POU2F1: variants seen among roughly 807,000 people sequenced by gnomAD.
POU2F1 encodes POU domain, class 2, transcription factor 1.
Under a neutral mutation model 84.9 loss-of-function variants are expected in POU2F1, and 16 were observed. The ratio of observed to expected loss-of-function variants is 0.19; its 90% CI spans 0.13 to 0.29. The LOEUF is 0.29. Ranked by LOEUF, POU2F1 falls within the 10% of genes least tolerant of loss-of-function variation. The probability of loss-of-function intolerance (pLI) is 1.00; values close to 1 mark genes in which losing one functional copy is unlikely to be tolerated. For synonymous variants in POU2F1, 368 were observed against 368.3 expected (o/e 1.00, Z 0.01); for missense variants, 738 against 942.6 (o/e 0.78, Z 2.84).
intron 9 of POU2F1, among the ~76,000 whole-genome samples, chr1:167,392,050 GT>G (rs1258955040): frequency 6.6e-6 from 1 of 151,938 alleles, no homozygotes; most frequent in Non-Finnish European, 1.5e-5. Flanking sequence ...GATCTGACCT[GT>G]TTTAAAAAGA....
At chr1:167,257,137 T>C (rs1651197691) in intron 1 of POU2F1, among the ~76,000 whole-genome samples, 1 of 152,168 alleles carries the variant, frequency 6.6e-6, no homozygotes, top group Admixed American at 6.5e-5. Flanking sequence ...ATTTATTGTT[T>C]TGTACAAGAA....
intron 1 of POU2F1, among the ~76,000 whole-genome samples, chr1:167,296,382 T>G (rs1654292151): frequency 6.6e-6 from 1 of 152,188 alleles, no homozygotes; most frequent in South Asian, 2.1e-4. Context: ...TTACTTGTTT[T>G]TAATCTTTAT....
chr1:167,301,258 T>G (rs1452106970), intron 1 of POU2F1, among the ~76,000 whole-genome samples: 1 of 152,218 alleles, frequency 6.6e-6, no homozygotes, highest in Non-Finnish European at 1.5e-5. Flanking sequence ...TTATGTTTCT[T>G]TAGTCAAAGA....
chr1:167,324,765 G>A (rs1251163242), intron 1 of POU2F1, among the ~76,000 whole-genome samples: 1 of 152,150 alleles, frequency 6.6e-6, no homozygotes, highest in East Asian at 1.9e-4. Flanking sequence ...CAGATTGCTT[G>A]TTATTTGGCA....
chr1:167,420,998 TGGA>T lies in POU2F1; in HGVS notation c.*5189_*5191del. ...ACCCAAAATTTAAAATTTTCCAAAA[TGGA>T]CAAGAATTGATGGGTTAATTTGCTC... On this transcript the variant is annotated 3_prime_UTR_variant, in exon 16 of 16. Coordinates refer to ENST00000367866, the MANE Select transcript of POU2F1 (RefSeq NM_002697.4). 1 of 152,224 alleles carries T rather than the reference TGGA, an allele frequency of 6.6e-6. No homozygotes were observed. Among genetic ancestry groups the T allele is most frequent in the Non-Finnish European group, 1.5e-5 (1 of 68,034 alleles). The allele number at this position is 152,224 out of a possible 1,614,324, so 9.4% of individuals were successfully genotyped here.
chr1:167,314,139 A>G (rs537051372), intron 1 of POU2F1, among the ~76,000 whole-genome samples: 1 of 149,846 alleles, frequency 6.7e-6, no homozygotes, highest in East Asian at 2.0e-4. Context: ...CAGAGGTTGC[A>G]GTGAGCTGAG....
At chr1:167,314,977 G>A (rs1239633717) in intron 1 of POU2F1, among the ~76,000 whole-genome samples, 1 of 152,066 alleles carries the variant, frequency 6.6e-6, no homozygotes, top group Non-Finnish European at 1.5e-5. Context: ...ATTTTAAAGT[G>A]TATGGCAACC....
At chr1:167,371,263 G>A (rs1358148324) in intron 4 of POU2F1, among the ~76,000 whole-genome samples, 1 of 152,154 alleles carries the variant, frequency 6.6e-6, no homozygotes, top group Non-Finnish European at 1.5e-5. Flanking sequence ...TCAATGACTG[G>A]CAGAATTAAT....
intron 1 of POU2F1, among the ~76,000 whole-genome samples, chr1:167,292,369 A>G (rs1381924878): frequency 6.6e-6 from 1 of 151,920 alleles, no homozygotes. Context: ...TTTGAATATT[A>G]TTGTTAGTTG....
At chr1:167,400,034 A>G (rs1649096005) in intron 12 of POU2F1, among the ~76,000 whole-genome samples, 1 of 116,798 alleles carries the variant, frequency 8.6e-6, no homozygotes. Context: ...CCCAGGCTGG[A>G]GTGCAATGGT....
At chr1:167,317,470 C>T (rs1655987135) in intron 1 of POU2F1, among the ~76,000 whole-genome samples, 1 of 152,190 alleles carries the variant, frequency 6.6e-6, no homozygotes, top group Non-Finnish European at 1.5e-5. Flanking sequence ...AGGGGGCTGA[C>T]AGCCTTCAGA....
chr1:167,387,848 A>G (rs1648103129), intron 8 of POU2F1, among the ~76,000 whole-genome samples: 1 of 152,250 alleles, frequency 6.6e-6, no homozygotes, highest in South Asian at 2.1e-4. Flanking sequence ...AAAAGAGACT[A>G]TACCCTCATG....
rs1429339158 is a variant in POU2F1 at position 167,342,581 on chromosome 1, A to G, written c.127+10046A>G. ...TGCTATTCTTCATAGTAATTTAACAACTTGATGCCTTGAACCAGCACTAGT... is the reference window on the plus strand; with the variant it reads ...TGCTATTCTTCATAGTAATTTAACAGCTTGATGCCTTGAACCAGCACTAGT... On this transcript the variant is annotated intron_variant, in intron 2 of 15. Coordinates refer to ENST00000367866, the MANE Select transcript of POU2F1 (RefSeq NM_002697.4). 2.6e-5 allele frequency among the ~76,000 whole-genome samples: 4 copies of G among 152,308 alleles called. No homozygotes were observed. In the South Asian group the frequency reaches 6.2e-4, roughly 24 times the overall value.
intron 1 of POU2F1, among the ~76,000 whole-genome samples, chr1:167,310,113 G>A (rs1005449782): frequency 6.6e-6 from 1 of 152,056 alleles, no homozygotes; most frequent in African/African-American, 2.4e-5. Context: ...TAGGGATATT[G>A]ATTAACTTTG....
intron 2 of POU2F1, among the ~76,000 whole-genome samples, chr1:167,356,255 G>A (rs1371419888): frequency 6.8e-6 from 1 of 147,868 alleles, no homozygotes; most frequent in Admixed American, 6.8e-5. Context: ...TGCCCGCCCT[G>A]GCTCACGCCT....
intron 2 of POU2F1, among the ~76,000 whole-genome samples, chr1:167,347,169 T>C (rs1027518875): frequency 8.5e-5 from 13 of 152,238 alleles, no homozygotes; most frequent in African/African-American, 2.9e-4. Context: ...TTGACTGCCT[T>C]AAATTTACTT....
intron 1 of POU2F1, among the ~76,000 whole-genome samples, chr1:167,271,038 A>G (rs965581745): frequency 6.6e-6 from 1 of 152,224 alleles, no homozygotes; most frequent in Non-Finnish European, 1.5e-5. Flanking sequence ...GTGTTAACAC[A>G]TTTCAAATAT....
intron 2 of POU2F1, among the ~76,000 whole-genome samples, chr1:167,339,535 A>G (rs2101750092): frequency 6.6e-6 from 1 of 152,372 alleles, no homozygotes; most frequent in East Asian, 1.9e-4. Context: ...AATATTGGAC[A>G]AACATTAAAG....
intron 1 of POU2F1, among the ~76,000 whole-genome samples, chr1:167,270,791 G>A (rs1214880485): frequency 6.6e-6 from 1 of 152,196 alleles, no homozygotes; most frequent in Non-Finnish European, 1.5e-5. Context: ...CTTGTTTGTG[G>A]ATAGGGAGAG....
Sources: allele counts gnomAD v4.1 joint callset (sites outside exome capture counted in the v4.1 genomes callset), GRCh38; gene constraint gnomAD v4.1.1; transcripts MANE v1.5; gene names NCBI Gene and HGNC (gene_info 2026-07-23, HGNC 2026-07-21).